Variants in ERLIN2 observed in about 807,000 individuals in gnomAD.
The protein encoded by ERLIN2 is erlin-2.
In ERLIN2, 22 loss-of-function variants were observed where a neutral mutation model predicts 41.5. That is an observed-to-expected ratio of 0.53 (90% CI 0.38 to 0.76). The LOEUF (loss-of-function observed/expected upper bound fraction) is 0.76, where lower values mean the gene tolerates loss of function less well. ERLIN2 is among the 30% of genes least tolerant of loss of function. The pLI, the probability that ERLIN2 is intolerant of heterozygous loss-of-function variation, is 0.00. For synonymous variants in ERLIN2, 149 were observed against 150.9 expected, an observed-to-expected ratio of 0.99 and a Z score of 0.09; for missense variants, 247 against 414.3, an observed-to-expected ratio of 0.60 and a Z score of 3.51.
intron 9 of ERLIN2, 77 bp downstream of exon 9, chr8:37,750,563 C>A: frequency 8.4e-7 from 1 of 1,188,284 alleles, no homozygotes; most frequent in Non-Finnish European, 1.3e-6. Flanking sequence ...GAGGCTAAGG[C>A]CTGGTGAGAC....
chr8:37,754,552 G>A lies in ERLIN2; in HGVS notation c.*437G>A, dbSNP rs1039635364. The A allele has an allele frequency of 1.2e-5, 3 of 250,256 alleles. No homozygotes were observed. Among genetic ancestry groups the A allele is most frequent in the African/African-American group, 2.2e-5 (1 of 44,716 alleles). The allele number at this position is 250,256 out of a possible 1,614,324, so 15.5% of individuals were successfully genotyped here. A position where few individuals can be genotyped will look rare whatever the true frequency, so the allele number is the denominator to read the frequency against. On this transcript the variant is annotated 3_prime_UTR_variant, in exon 12 of 12. Coordinates refer to ENST00000519638, the MANE Select transcript of ERLIN2 (RefSeq NM_007175.8). The stretch of plus-strand genomic sequence containing the variant: ...TCTGTGGGTGAGGCTCAGCAACTGA[G>A]CAAATATGTGCCTGTGAGTTTGCCA...
intron 6 of ERLIN2, chr8:37,745,646 A>C: frequency 6.2e-7 from 1 of 1,613,892 alleles, no homozygotes; most frequent in East Asian, 2.2e-5. Context: ...AGACAGGAGG[A>C]CTCATCCACA....
intron 6 of ERLIN2, chr8:37,745,880 T>C (rs1803029269): frequency 2.2e-5 from 28 of 1,259,316 alleles, no homozygotes; most frequent in South Asian, 8.7e-5. Context: ...TTTTATAAAA[T>C]ATTAATTTTC....
At chr8:37,751,876 A>C (rs897563451) in intron 10 of ERLIN2, among the ~76,000 whole-genome samples, 161 bp downstream of exon 10, 1 of 152,162 alleles carries the variant, frequency 6.6e-6, no homozygotes, top group East Asian at 1.9e-4. Context: ...TTTTGAGGCT[A>C]TTGTGGCCAG....
Position 37,750,410 on chromosome 8 carries a change from A to T in ERLIN2, c.573A>T (p.Thr191=), listed in dbSNP as rs79320341. ...RNYELMESEK[T]KLLIAAQKQK... Reference sequence around the variant, plus strand: ...TTCTCTTCAGGGAAAGTGAGAAGACAAAGCTTCTCATTGCCGCCCAGAAAC... The same window carrying T: ...TTCTCTTCAGGGAAAGTGAGAAGACTAAGCTTCTCATTGCCGCCCAGAAAC... The change falls in exon 9 of 12, where the codon ACA becomes ACT. Residue 191 remains threonine, a synonymous_variant. Transcript: ENST00000519638. 4.5e-5 allele frequency: 73 copies of T among 1,613,446 alleles called. No homozygotes were observed. In the East Asian group the frequency reaches 1.4e-3, roughly 32 times the overall value.
chr8:37,743,192 G>C (rs1802915354), intron 4 of ERLIN2, among the ~76,000 whole-genome samples: 1 of 152,218 alleles, frequency 6.6e-6, no homozygotes, highest in Non-Finnish European at 1.5e-5. Context: ...GGTGAGCATT[G>C]ATTAGAACCT....
chr8:37,743,283 C>A (rs1265580921), intron 4 of ERLIN2, among the ~76,000 whole-genome samples: 2 of 152,172 alleles, frequency 1.3e-5, no homozygotes. Context: ...GACTACACAC[C>A]AAGGGACTAA....
chr8:37,753,014 T>A (rs955942585), intron 10 of ERLIN2, among the ~76,000 whole-genome samples: 1 of 152,192 alleles, frequency 6.6e-6, no homozygotes, highest in Non-Finnish European at 1.5e-5. Context: ...CCTTTGAGCT[T>A]TCCTGCTTTT....
intron 2 of ERLIN2, among the ~76,000 whole-genome samples, chr8:37,738,897 A>G (rs1176867923): frequency 6.6e-6 from 1 of 152,174 alleles, no homozygotes; most frequent in Admixed American, 6.5e-5. Flanking sequence ...AAAATAAAAT[A>G]ATATTAACAT....
rs1803032976 is a variant in ERLIN2 at position 37,745,935 on chromosome 8, A to T, written c.424+1239A>T. 7 of 1,091,594 alleles carry T rather than the reference A, an allele frequency of 6.4e-6. No individual in the cohort carries two copies. The African/African-American group carries it at 1.2e-4, about 18-fold the overall frequency. 67.6% of individuals were successfully genotyped at this position (1,091,594 alleles called of 1,614,324 possible). On this transcript the variant is annotated intron_variant, in intron 6 of 11. Transcript: ENST00000519638. ...CTTGTGACATTACATGAACATTTCAAAGCACTGAAAAAAGACAAAGGATCC... is the reference window on the plus strand; with the variant it reads ...CTTGTGACATTACATGAACATTTCATAGCACTGAAAAAAGACAAAGGATCC...
intron 10 of ERLIN2, among the ~76,000 whole-genome samples, chr8:37,752,287 C>T (rs1368016359): frequency 6.6e-6 from 1 of 152,200 alleles, no homozygotes; most frequent in Non-Finnish European, 1.5e-5. Flanking sequence ...ACCTCCTTCC[C>T]ACTGCCCACC....
chr8:37,738,842 A>C (rs900857506), intron 2 of ERLIN2, among the ~76,000 whole-genome samples: 2 of 152,138 alleles, frequency 1.3e-5, no homozygotes, highest in Non-Finnish European at 2.9e-5. Context: ...CTATGATCAC[A>C]CCACTGCACT....
Position 37,756,744 on chromosome 8 carries a change from T to C in ERLIN2, c.*2629T>C, listed in dbSNP as rs1287385206. ...ATCTAATCTTAAAACATTTGAATTC[T>C]AAACATGTAAAATGTGACAGCCTGC... On this transcript the variant is annotated 3_prime_UTR_variant, in exon 12 of 12. Coordinates refer to ENST00000519638, the MANE Select transcript of ERLIN2 (RefSeq NM_007175.8). 2.6e-5 allele frequency: 4 copies of C among 152,648 alleles called. No homozygotes were observed. Among genetic ancestry groups the C allele is most frequent in the Admixed American group, 2.6e-4 (4 of 15,280 alleles). 9.5% of individuals were successfully genotyped at this position (152,648 alleles called of 1,614,324 possible). A position where few individuals can be genotyped will look rare whatever the true frequency, so the allele number is the denominator to read the frequency against.
Position 37,742,592 on chromosome 8 carries a change from G to C in ERLIN2, c.236+774G>C, listed in dbSNP as rs146222780. Among the ~76,000 whole-genome samples the C allele has an allele frequency of 1.9e-3, 291 of 152,246 alleles. 1 individual carries two copies. Among genetic ancestry groups the C allele is most frequent in the African/African-American group, 6.3e-3 (262 of 41,526 alleles). ...CACCACATGTTCTCACTTATAAGTG[G>C]GAACTGAATGATGAGAACACATGGA... On this transcript the variant is annotated intron_variant, in intron 4 of 11. Transcript: ENST00000519638.
chr8:37,748,278 T>C (rs184491270), intron 6 of ERLIN2, among the ~76,000 whole-genome samples: 10 of 152,376 alleles, frequency 6.6e-5, no homozygotes, highest in East Asian at 1.9e-4. Context: ...TATTAACTTA[T>C]GGAGGATACG....
At chr8:37,744,455 T>A (rs542317547) in intron 5 of ERLIN2, 39 bp downstream of exon 5, 1 of 1,610,896 alleles carries the variant, frequency 6.2e-7, no homozygotes, top group Non-Finnish European at 8.5e-7. Context: ...CAGCTCACTT[T>A]CCCCAGCATG....
rs1333566879 is a variant in ERLIN2 at position 37,756,958 on chromosome 8, T to C, written c.*2843T>C. On this transcript the variant is annotated 3_prime_UTR_variant, in exon 12 of 12. Coordinates refer to ENST00000519638, the MANE Select transcript of ERLIN2 (RefSeq NM_007175.8). ...TACTGTTTTTAATCACTTTTTAAAATATAAGGACCGAATGCAAGGAAACCA... is the reference window on the plus strand; with the variant it reads ...TACTGTTTTTAATCACTTTTTAAAACATAAGGACCGAATGCAAGGAAACCA... 1.3e-5 allele frequency: 2 copies of C among 152,322 alleles called. No individual in the cohort carries two copies. The highest frequency in any genetic ancestry group is 2.9e-5 in the Non-Finnish European group (2 of 68,020). 9.4% of individuals were successfully genotyped at this position (152,322 alleles called of 1,614,324 possible).
intron 1 of ERLIN2, chr8:37,736,880 C>T (rs1324707190): frequency 1.0e-6 from 1 of 985,874 alleles, no homozygotes; most frequent in African/African-American, 1.7e-5. Flanking sequence ...ATTGGAGCCG[C>T]AGCCCCAGAC....
chr8:37,749,915 C>T (rs1010582594), intron 8 of ERLIN2, 63 bp downstream of exon 8: 2 of 1,414,894 alleles, frequency 1.4e-6, no homozygotes, highest in Non-Finnish European at 1.0e-6. Flanking sequence ...CTCGTCCCAT[C>T]CCAGAGGTAA....
Sources: allele counts gnomAD v4.1 joint callset (sites outside exome capture counted in the v4.1 genomes callset), GRCh38; gene constraint gnomAD v4.1.1; transcripts MANE v1.5; gene names NCBI Gene and HGNC (gene_info 2026-07-23, HGNC 2026-07-21).